TAFA1: variants seen among roughly 807,000 people sequenced by gnomAD.
TAFA1 encodes chemokine-like protein TAFA-1.
A neutral mutation model predicts 18.5 loss-of-function variants in TAFA1; 4 were observed. That is an observed-to-expected ratio of 0.22 (90% CI 0.11 to 0.49). TAFA1 has a LOEUF of 0.49. TAFA1 is among the 20% of genes least tolerant of loss of function. The probability of loss-of-function intolerance (pLI) is 0.98; values close to 1 mark genes in which losing one functional copy is unlikely to be tolerated. For synonymous variants in TAFA1, 56 were observed against 55.2 expected, an observed-to-expected ratio of 1.01 and a Z score of -0.06; for missense variants, 147 against 169.0, an observed-to-expected ratio of 0.87 and a Z score of 0.72.
At chr3:68,204,147 C>T (rs374943433) in intron 2 of TAFA1, among the ~76,000 whole-genome samples, 2 of 151,790 alleles carry the variant, frequency 1.3e-5, no homozygotes, top group East Asian at 2.0e-4. Flanking sequence ...CAGGATTTTG[C>T]CCTGTGACCT....
intron 2 of TAFA1, among the ~76,000 whole-genome samples, chr3:68,133,911 A>G (rs1347174112): frequency 2.0e-5 from 3 of 152,128 alleles, no homozygotes; most frequent in Non-Finnish European, 4.4e-5. Flanking sequence ...GATACAATTA[A>G]TTGGACAGAG....
chr3:68,311,001 A>G (rs1285583198), intron 2 of TAFA1, among the ~76,000 whole-genome samples: 2 of 152,192 alleles, frequency 1.3e-5, no homozygotes, highest in African/African-American at 2.4e-5. Context: ...ACAGTTCCAC[A>G]TGGCTGGGGA....
At chr3:68,292,694 A>ATTGTT (rs796215292) in intron 2 of TAFA1, among the ~76,000 whole-genome samples, 4 of 151,990 alleles carry the variant, frequency 2.6e-5, no homozygotes, top group African/African-American at 7.2e-5. Context: ...CACCTGGCTA[A>ATTGTT]TTGTTTTGTT....
At chr3:68,531,635 A>G (rs1473016977) in intron 3 of TAFA1, among the ~76,000 whole-genome samples, 1 of 152,186 alleles carries the variant, frequency 6.6e-6, no homozygotes, top group African/African-American at 2.4e-5. Flanking sequence ...TTCTTAGAGC[A>G]CGTGCTTGAA....
chr3:68,287,670 A>G (rs369043132), intron 2 of TAFA1, among the ~76,000 whole-genome samples: 1 of 152,084 alleles, frequency 6.6e-6, no homozygotes, highest in Non-Finnish European at 1.5e-5. Flanking sequence ...ATGCATTTTA[A>G]GTGTTTTAAA....
chr3:68,240,230 C>G (rs1321509121), intron 2 of TAFA1, among the ~76,000 whole-genome samples: 1 of 152,108 alleles, frequency 6.6e-6, no homozygotes, highest in Non-Finnish European at 1.5e-5. Context: ...TCATGGTGTC[C>G]CCTTAGGAGA....
chr3:68,293,859 C>T (rs975903627), intron 2 of TAFA1, among the ~76,000 whole-genome samples: 1 of 152,098 alleles, frequency 6.6e-6, no homozygotes, highest in African/African-American at 2.4e-5. Context: ...AGGGACTGCT[C>T]CGTCTATCCC....
At chr3:68,455,053 G>T (rs2071634664) in intron 3 of TAFA1, among the ~76,000 whole-genome samples, 1 of 152,038 alleles carries the variant, frequency 6.6e-6, no homozygotes, top group South Asian at 2.1e-4. Flanking sequence ...CATATTATAT[G>T]TATATTATAC....
At chr3:68,142,378 A>T (rs181373608) in intron 2 of TAFA1, among the ~76,000 whole-genome samples, 3 of 152,322 alleles carry the variant, frequency 2.0e-5, no homozygotes, top group African/African-American at 7.2e-5. Flanking sequence ...CAAGCTGGGA[A>T]CCTGTAACCT....
chr3:68,255,663 GT>G (rs201786306), intron 2 of TAFA1, among the ~76,000 whole-genome samples: 4 of 151,724 alleles, frequency 2.6e-5, no homozygotes, highest in East Asian at 1.9e-4. Flanking sequence ...GTTTTATAGG[GT>G]TTTTTTTAAT....
chr3:67,997,248 A>C, the TAFA1 span, among the ~76,000 whole-genome samples: 1 of 152,218 alleles, frequency 6.6e-6, no homozygotes, highest in Non-Finnish European at 1.5e-5. Flanking sequence ...AATCAAATTT[A>C]ATTTTAAAAC....
intron 2 of TAFA1, among the ~76,000 whole-genome samples, chr3:68,062,769 G>A (rs1215320610): frequency 6.6e-6 from 1 of 152,172 alleles, no homozygotes; most frequent in Admixed American, 6.5e-5. Context: ...ATGTGGCTTG[G>A]TTAAGAGATA....
intron 3 of TAFA1, among the ~76,000 whole-genome samples, chr3:68,508,433 T>A (rs141284066): frequency 6.6e-6 from 1 of 152,210 alleles, no homozygotes; most frequent in African/African-American, 2.4e-5. Context: ...GGTGTCAAAC[T>A]CTTCGTTATC....
At chr3:68,264,793 C>T (rs1004550718) in intron 2 of TAFA1, among the ~76,000 whole-genome samples, 4 of 150,048 alleles carry the variant, frequency 2.7e-5, no homozygotes, top group Non-Finnish European at 5.9e-5. Flanking sequence ...CAAAAATCTG[C>T]TTAAATTGCT....
chr3:68,070,677 A>G (rs2064742927), intron 2 of TAFA1, among the ~76,000 whole-genome samples: 1 of 152,158 alleles, frequency 6.6e-6, no homozygotes, highest in African/African-American at 2.4e-5. Flanking sequence ...CCCTTATAAA[A>G]CTGAATGCCT....
intron 2 of TAFA1, among the ~76,000 whole-genome samples, chr3:68,373,524 G>A (rs2069752718): frequency 6.6e-6 from 1 of 152,108 alleles, no homozygotes; most frequent in African/African-American, 2.4e-5. Flanking sequence ...TTAAATCCAG[G>A]TTATCTGCTC....
intron 2 of TAFA1, among the ~76,000 whole-genome samples, chr3:68,292,631 A>G (rs6809103): frequency 0.015 from 2,353 of 152,204 alleles, 64 homozygotes; most frequent in African/African-American, 0.054. Flanking sequence ...GGCTCAAGTG[A>G]TCCTCCTGCC....
intron 2 of TAFA1, among the ~76,000 whole-genome samples, chr3:68,149,831 C>T (rs539583583): frequency 3.3e-5 from 5 of 152,134 alleles, no homozygotes; most frequent in Non-Finnish European, 5.9e-5. Context: ...AGACCTAGCA[C>T]GTGTGTTTCT....
intron 2 of TAFA1, among the ~76,000 whole-genome samples, chr3:68,037,335 C>A (rs1284576100): frequency 2.0e-5 from 3 of 152,078 alleles, no homozygotes; most frequent in Non-Finnish European, 2.9e-5. Flanking sequence ...ATGTGCAGGG[C>A]CTTGTGTATC....
Sources: gnomAD v4.1 joint callset for allele counts (sites outside exome capture counted in the v4.1 genomes callset) on GRCh38, gnomAD v4.1.1 for gene constraint, MANE v1.5 for transcripts, NCBI Gene and HGNC (gene_info 2026-07-23, HGNC 2026-07-21) for gene names.